The following SLC9A7 variants were observed in gnomAD, a reference collection of about 807,000 sequenced individuals.
SLC9A7 encodes the protein sodium/hydrogen exchanger 7.
In SLC9A7, 19 loss-of-function variants were observed where a neutral mutation model predicts 52.6. That is an observed-to-expected ratio of 0.36 (90% CI 0.25 to 0.53). The LOEUF (loss-of-function observed/expected upper bound fraction) is 0.53, where lower values mean the gene tolerates loss of function less well. Among genes scored for constraint, SLC9A7 ranks in the 20% least tolerant of loss-of-function variants. The pLI is 0.91. For synonymous variants in SLC9A7, 226 were observed against 252.1 expected, an observed-to-expected ratio of 0.90 and a Z score of 0.98; for missense variants, 455 against 597.9, an observed-to-expected ratio of 0.76 and a Z score of 2.49.
chrX:46,620,948 G>A (rs376114668), intron 15 of SLC9A7, 29 bp downstream of exon 15: 19 of 1,055,576 alleles, frequency 1.8e-5, no homozygotes, highest in African/African-American at 1.5e-4. Flanking sequence ...ATGTTTCACC[G>A]ACACAGGGGA....
Position 46,601,609 on chromosome X carries a change from C to G in SLC9A7, c.*5343G>C, listed in dbSNP as rs923243383. Reference sequence around the variant, plus strand: ...GTTTGCTTGATGAAACATTTGATGTCGCAGTGTGATTTCTGCCTTCCAGGC... The same window carrying G: ...GTTTGCTTGATGAAACATTTGATGTGGCAGTGTGATTTCTGCCTTCCAGGC... On this transcript the variant is annotated 3_prime_UTR_variant, in exon 17 of 17. Transcript: ENST00000616978. 2 of 112,703 alleles carry G rather than the reference C, an allele frequency of 1.8e-5. No individual in the cohort carries two copies. The highest frequency in any genetic ancestry group is 1.9e-4 in the Admixed American group (2 of 10,634). The allele number at this position is 112,703 out of a possible 1,213,427, so 9.3% of individuals were successfully genotyped here.
intron 8 of SLC9A7, among the ~76,000 whole-genome samples, chrX:46,652,366 G>A (rs995018737): frequency 2.7e-5 from 3 of 110,440 alleles, no homozygotes; most frequent in Admixed American, 9.7e-5. Context: ...TGCCCAGGCT[G>A]GTCTTGAACT....
chrX:46,666,659 C>T (rs1317474956), intron 5 of SLC9A7, among the ~76,000 whole-genome samples: 2 of 111,846 alleles, frequency 1.8e-5, no homozygotes, highest in Admixed American at 9.6e-5. Flanking sequence ...TTATTCTCTA[C>T]CATAGCATAG....
chrX:46,617,980 G>T (rs1942980044), intron 15 of SLC9A7, among the ~76,000 whole-genome samples: 1 of 111,555 alleles, frequency 9.0e-6, no homozygotes, highest in South Asian at 3.8e-4. Context: ...AACTAGAAAA[G>T]CTAGACAAAA....
intron 7 of SLC9A7, 64 bp from the exon 8 acceptor site, chrX:46,653,778 C>A: frequency 1.1e-6 from 1 of 871,457 alleles, no homozygotes; most frequent in Non-Finnish European, 1.7e-6. Context: ...GAACCATACT[C>A]CACTAGCCCA....
intron 5 of SLC9A7, among the ~76,000 whole-genome samples, chrX:46,663,384 A>AT (rs746242075): frequency 6.0e-4 from 66 of 109,145 alleles, no homozygotes; most frequent in African/African-American, 2.1e-3. Flanking sequence ...TACGCCTGTA[A>AT]TCCCAGCACT....
intron 1 of SLC9A7, among the ~76,000 whole-genome samples, chrX:46,738,296 C>T (rs372462110): frequency 1.3e-4 from 14 of 111,831 alleles, no homozygotes; most frequent in African/African-American, 4.5e-4. Flanking sequence ...GCAGAAAAAA[C>T]TTCTCAAATT....
intron 1 of SLC9A7, among the ~76,000 whole-genome samples, chrX:46,700,645 C>A (rs756333320): frequency 8.0e-5 from 9 of 112,255 alleles, no homozygotes; most frequent in Non-Finnish European, 1.7e-4. Flanking sequence ...TGATCTTGGA[C>A]TTCTGGCCGC....
chrX:46,633,923 C>T (rs769368208), intron 13 of SLC9A7, among the ~76,000 whole-genome samples: 7 of 111,205 alleles, frequency 6.3e-5, no homozygotes, highest in Non-Finnish European at 1.1e-4. Flanking sequence ...CTGCCCACCT[C>T]GGCCTCCCAA....
chrX:46,656,334 C>T (rs1301619439), intron 7 of SLC9A7, among the ~76,000 whole-genome samples: 14 of 111,891 alleles, frequency 1.3e-4, no homozygotes, highest in South Asian at 3.7e-4. Context: ...TCCAAAGGAA[C>T]GCAGCTCCTC....
intron 1 of SLC9A7, among the ~76,000 whole-genome samples, chrX:46,687,611 G>A (rs1386073675): frequency 8.9e-6 from 1 of 111,740 alleles, no homozygotes; most frequent in South Asian, 3.7e-4. Context: ...TTATGCAGCT[G>A]TGTTATTCGT....
intron 13 of SLC9A7, among the ~76,000 whole-genome samples, chrX:46,632,493 T>C (rs1249101880): frequency 9.0e-6 from 1 of 111,711 alleles, no homozygotes; most frequent in Non-Finnish European, 1.9e-5. Context: ...AACATCTGAA[T>C]GGCCTATCCC....
intron 1 of SLC9A7, among the ~76,000 whole-genome samples, chrX:46,707,495 C>T (rs1944622287): frequency 9.0e-6 from 1 of 111,311 alleles, no homozygotes; most frequent in Non-Finnish European, 1.9e-5. Context: ...ACTTGGCTGC[C>T]CTCTCAGGAA....
rs1029791055 is a variant in SLC9A7, at chrX:46,640,645, A to T, written c.1616+2591T>A. Among the ~76,000 whole-genome samples, 3 of 112,702 alleles carry T rather than the reference A, an allele frequency of 2.7e-5. No individual in the cohort carries two copies. In the Admixed American group the frequency reaches 2.8e-4, roughly 11 times the overall value. ...AAAATATTTGCAAACCATGTATCTG[A>T]CAAAAGACTACAGTCTAGAATAAAG... is the stretch of plus-strand genomic sequence containing the variant. On this transcript the variant is annotated intron_variant, in intron 12 of 16. Coordinates refer to ENST00000616978, the MANE Select transcript of SLC9A7 (RefSeq NM_001257291.2).
intron 1 of SLC9A7, among the ~76,000 whole-genome samples, chrX:46,691,636 A>T (rs1944382459): frequency 8.9e-6 from 1 of 112,023 alleles, no homozygotes; most frequent in Non-Finnish European, 1.9e-5. Flanking sequence ...AGAATTAGTT[A>T]TTTTCCTTTG....
chrX:46,647,046 C>T (rs1161368039), intron 11 of SLC9A7: 5 of 322,725 alleles, frequency 1.5e-5, no homozygotes, highest in Non-Finnish European at 2.4e-5. Flanking sequence ...TTACGGAGGT[C>T]GGTCAGACCA....
At chrX:46,708,620 C>T (rs1037841205) in intron 1 of SLC9A7, among the ~76,000 whole-genome samples, 1 of 112,001 alleles carries the variant, frequency 8.9e-6, no homozygotes, top group African/African-American at 3.2e-5. Flanking sequence ...ACAGCAGAGC[C>T]CAAGCAAGGC....
chrX:46,753,799 T>C (rs1328451305), intron 1 of SLC9A7, among the ~76,000 whole-genome samples: 1 of 109,743 alleles, frequency 9.1e-6, no homozygotes, highest in Non-Finnish European at 1.9e-5. Context: ...CTGGCTAACA[T>C]GGTGAAACCC....
chrX:46,606,896 A>C lies in SLC9A7; in HGVS notation c.*56T>G, dbSNP rs1942752826. On this transcript the variant is annotated 3_prime_UTR_variant, in exon 17 of 17. Coordinates refer to ENST00000616978, the MANE Select transcript of SLC9A7 (RefSeq NM_001257291.2). ...CACCTCCAACAACACTAGGGCTTGC[A>C]GCTGTCCTCACCCCATCGGGAGCCT... The C allele has an allele frequency of 8.3e-7, 1 of 1,203,942 alleles. No individual in the cohort carries two copies. The highest frequency in any genetic ancestry group is 1.7e-5 in the African/African-American group (1 of 57,670).
Sources: gnomAD v4.1 joint callset for allele counts (sites outside exome capture counted in the v4.1 genomes callset) on GRCh38, gnomAD v4.1.1 for gene constraint, MANE v1.5 for transcripts, NCBI Gene and HGNC (gene_info 2026-07-23, HGNC 2026-07-21) for gene names.